Variants in NRXN3 observed in about 807,000 individuals in gnomAD.
The protein encoded by NRXN3 is neurexin 3, also known as neurexin III.
A neutral mutation model predicts 137.6 loss-of-function variants in NRXN3; 32 were observed. That is an observed-to-expected ratio of 0.23 (90% confidence interval 0.18 to 0.31). The LOEUF is 0.31. NRXN3 is among the 10% of genes least tolerant of loss of function. The probability of loss-of-function intolerance (pLI) is 1.00; values close to 1 mark genes in which losing one functional copy is unlikely to be tolerated. For synonymous variants in NRXN3, 798 were observed against 784.5 expected (o/e 1.02, Z -0.29); for missense variants, 1,574 against 2,062.5 (o/e 0.76, Z 4.59).
intron 4 of NRXN3, among the ~76,000 whole-genome samples, chr14:78,371,645 G>A (rs1281216882): frequency 6.6e-6 from 1 of 152,166 alleles, no homozygotes; most frequent in African/African-American, 2.4e-5. Flanking sequence ...GCCCAAAAGT[G>A]CTCACCCTGG....
At chr14:79,224,136 G>A (rs1405886444) in intron 15 of NRXN3, among the ~76,000 whole-genome samples, 2 of 152,096 alleles carry the variant, frequency 1.3e-5, no homozygotes, top group African/African-American at 2.4e-5. Context: ...AACTGTCTTC[G>A]TTAAACAGTT....
intron 15 of NRXN3, among the ~76,000 whole-genome samples, chr14:79,175,538 T>A (rs1287503430): frequency 6.6e-6 from 1 of 152,234 alleles, no homozygotes; most frequent in Non-Finnish European, 1.5e-5. Context: ...TTTTAATACA[T>A]GAATAGGACA....
In NRXN3 at chr14:79,828,446, C is replaced by A. The variant is rs150419526; in HGVS notation, c.4093+23256C>A. 2.2e-3 allele frequency among the ~76,000 whole-genome samples: 332 copies of A among 151,728 alleles called. 12 individuals carry two copies. The East Asian group carries it at 0.044, about 20-fold the overall frequency. ...ACTAGCCTGGCAAACATGGTGAAAC[C>A]CCATCTCTGCTAAAAATTCAAAAAT... On this transcript the variant is annotated intron_variant, in intron 20 of 20. Coordinates refer to ENST00000335750, the MANE Select transcript of NRXN3 (RefSeq NM_001330195.2).
At position 79,683,865 on chromosome 14, in the gene NRXN3, G is replaced by A. The variant is rs79463610; in HGVS notation, c.3617-8308G>A. ...CTAGCTTGCTCGAAATGAGTGGTCCGAGAGAGAGCACCTTTTATGACTCAG... is the reference window on the plus strand; with the variant it reads ...CTAGCTTGCTCGAAATGAGTGGTCCAAGAGAGAGCACCTTTTATGACTCAG... On this transcript the variant is annotated intron_variant, in intron 17 of 20. Transcript: ENST00000335750. 4.3e-3 allele frequency among the ~76,000 whole-genome samples: 649 copies of A among 152,232 alleles called. 3 individuals carry two copies. The highest frequency in any genetic ancestry group is 6.4e-3 in the Non-Finnish European group (434 of 68,022).
intron 1 of NRXN3, among the ~76,000 whole-genome samples, chr14:78,216,668 C>G (rs1264554961): frequency 6.6e-6 from 1 of 152,204 alleles, no homozygotes; most frequent in African/African-American, 2.4e-5. Flanking sequence ...TTTCCTGGGA[C>G]AGCTCTAACA....
chr14:78,957,185 T>A, intron 10 of NRXN3, 57 bp from the exon 11 acceptor site: 1 of 1,596,038 alleles, frequency 6.3e-7, no homozygotes, highest in African/African-American at 1.3e-5. Context: ...ACAACCCTGA[T>A]GCATGAGCAC....
chr14:79,335,707 A>G (rs929829830), intron 15 of NRXN3, among the ~76,000 whole-genome samples: 8 of 152,078 alleles, frequency 5.3e-5, no homozygotes, highest in African/African-American at 1.7e-4. Context: ...TTGCACATAT[A>G]TACATATCAC....
At chr14:79,002,235 G>T (rs2099542880) in intron 15 of NRXN3, among the ~76,000 whole-genome samples, 1 of 151,982 alleles carries the variant, frequency 6.6e-6, no homozygotes, top group Admixed American at 6.6e-5. Flanking sequence ...TTTAGTTCTG[G>T]GGTACATGTG....
intron 15 of NRXN3, among the ~76,000 whole-genome samples, chr14:79,271,262 A>G (rs1375042965): frequency 2.0e-5 from 3 of 152,148 alleles, no homozygotes; most frequent in Non-Finnish European, 2.9e-5. Flanking sequence ...CCATTATTAA[A>G]CTTTTTTAAA....
At chr14:79,766,110 C>G (rs906309341) in intron 19 of NRXN3, among the ~76,000 whole-genome samples, 1 of 152,126 alleles carries the variant, frequency 6.6e-6, no homozygotes, top group East Asian at 1.9e-4. Flanking sequence ...AATACTTGAT[C>G]TGTTTCTATT....
At chr14:78,624,152 C>G (rs1240092029) in intron 4 of NRXN3, among the ~76,000 whole-genome samples, 6 of 152,162 alleles carry the variant, frequency 3.9e-5, no homozygotes, top group African/African-American at 1.4e-4. Flanking sequence ...AGTCAAAATG[C>G]TATATCCACC....
At chr14:78,824,407 C>G (rs547656901) in intron 10 of NRXN3, among the ~76,000 whole-genome samples, 2 of 152,120 alleles carry the variant, frequency 1.3e-5, no homozygotes, top group Non-Finnish European at 2.9e-5. Flanking sequence ...TGGGGAAATG[C>G]ACTATTCATC....
chr14:79,368,213 T>A (rs1283876090), intron 15 of NRXN3, among the ~76,000 whole-genome samples: 1 of 152,184 alleles, frequency 6.6e-6, no homozygotes, highest in Non-Finnish European at 1.5e-5. Flanking sequence ...CATACTAAAG[T>A]TGGCCAAATT....
chr14:78,529,993 ATATT>A lies in NRXN3; in HGVS notation c.758-115123_758-115120del, dbSNP rs1209331594. 2.0e-5 allele frequency among the ~76,000 whole-genome samples: 3 copies of A among 152,220 alleles called. 1 individual carries two copies. The highest frequency in any genetic ancestry group is 4.1e-4 in the South Asian group (2 of 4,834). ...TCAATAATACTTGTTGAATTAATAA[ATATT>A]TATACAGTGCAATTTAATTAATTCC... is the stretch of plus-strand genomic sequence containing the variant. On this transcript the variant is annotated intron_variant, in intron 4 of 20. Transcript: ENST00000335750.
chr14:78,456,567 C>A (rs1272897800), intron 4 of NRXN3, among the ~76,000 whole-genome samples: 1 of 152,164 alleles, frequency 6.6e-6, no homozygotes, highest in Non-Finnish European at 1.5e-5. Context: ...GCGTGTACTT[C>A]ATTTCTTTTT....
chr14:79,220,055 G>A (rs1305341685), intron 15 of NRXN3, among the ~76,000 whole-genome samples: 1 of 152,162 alleles, frequency 6.6e-6, no homozygotes, highest in African/African-American at 2.4e-5. Context: ...TTGGAATGTA[G>A]TTTATAGTTA....
intron 4 of NRXN3, among the ~76,000 whole-genome samples, chr14:78,533,268 T>C (rs1030090139): frequency 6.6e-6 from 1 of 151,850 alleles, no homozygotes; most frequent in African/African-American, 2.4e-5. Flanking sequence ...GTATTTTTAG[T>C]AGAGACAGGG....
rs144627337 is a variant in NRXN3, at chr14:79,619,678, C to A, written c.3445-44100C>A. ...TCAGAATTACACAGAATACAGTATT[C>A]ATAAAAATGAACCAACCATAAAATA... On this transcript the variant is annotated intron_variant, in intron 16 of 20. Coordinates refer to ENST00000335750, the MANE Select transcript of NRXN3 (RefSeq NM_001330195.2). Among the ~76,000 whole-genome samples the A allele has an allele frequency of 7.3e-4, 111 of 152,102 alleles. 2 individuals carry two copies. In the East Asian group the frequency reaches 0.021, roughly 28 times the overall value.
At chr14:79,841,177 C>T (rs2099355024) in intron 20 of NRXN3, among the ~76,000 whole-genome samples, 1 of 152,152 alleles carries the variant, frequency 6.6e-6, no homozygotes, top group Admixed American at 6.5e-5. Context: ...GCAAACTTTT[C>T]ATCTTTTTAT....
Sources: allele counts gnomAD v4.1 joint callset (sites outside exome capture counted in the v4.1 genomes callset), GRCh38; gene constraint gnomAD v4.1.1; transcripts MANE v1.5; gene names NCBI Gene and HGNC (gene_info 2026-07-23, HGNC 2026-07-21).